Variants in NXPE2 observed in about 807,000 individuals in gnomAD.
NXPE2 encodes neurexophilin and PC-esterase domain family member 2.
Under a neutral mutation model 34.4 loss-of-function variants are expected in NXPE2, and 34 were observed. That is an observed-to-expected ratio of 0.99 (90% CI 0.75 to 1.31). The LOEUF (loss-of-function observed/expected upper bound fraction) is 1.31, where lower values mean the gene tolerates loss of function less well. NXPE2 is among the 40% of genes most tolerant of loss of function. NXPE2 has a pLI of 0.00. For synonymous variants in NXPE2, 235 were observed against 231.3 expected (o/e 1.02, Z -0.15); for missense variants, 649 against 672.5 (o/e 0.97, Z 0.39).
chr11:114,560,000 A>G, the NXPE2 span: 1 of 152,308 alleles, frequency 6.6e-6, no homozygotes, highest in African/African-American at 2.4e-5. Flanking sequence ...TGACAATTAG[A>G]TAATTCCACA....
chr11:114,610,423 C>T, the NXPE2 span, among the ~76,000 whole-genome samples: 1 of 151,872 alleles, frequency 6.6e-6, no homozygotes, highest in Non-Finnish European at 1.5e-5. Flanking sequence ...ATACCTATTG[C>T]CTCTCGGGTA....
the NXPE2 span, among the ~76,000 whole-genome samples, chr11:114,635,273 G>A: frequency 2.1e-4 from 31 of 149,770 alleles, no homozygotes; most frequent in South Asian, 5.6e-3. Flanking sequence ...TTTGTCTGTT[G>A]TTGGTGTATA....
At chr11:114,812,902 A>G in the NXPE2 span, among the ~76,000 whole-genome samples, 1 of 149,638 alleles carries the variant, frequency 6.7e-6, no homozygotes, top group African/African-American at 2.5e-5. Flanking sequence ...CTCACACTTG[A>G]GATCTGAAAG....
chr11:114,524,256 C>T, the NXPE2 span, among the ~76,000 whole-genome samples: 1 of 116,088 alleles, frequency 8.6e-6, no homozygotes, highest in South Asian at 2.7e-4. Flanking sequence ...GAAAGGATAG[C>T]CATGGGTCTA....
chr11:114,708,475 T>C (rs1215397992), downstream of NXPE2, among the ~76,000 whole-genome samples: 1 of 152,092 alleles, frequency 6.6e-6, no homozygotes, highest in Non-Finnish European at 1.5e-5. Flanking sequence ...TTAAGGATAC[T>C]TCCCCTCTTA....
the NXPE2 span, among the ~76,000 whole-genome samples, chr11:114,798,487 G>A: frequency 2.0e-5 from 3 of 152,118 alleles, no homozygotes; most frequent in East Asian, 1.9e-4. Flanking sequence ...GGGTTCAAGT[G>A]ATTCTTCTGC....
the NXPE2 span, chr11:114,554,321 A>G: frequency 3.0e-6 from 3 of 984,928 alleles, no homozygotes; most frequent in Non-Finnish European, 3.6e-6. Flanking sequence ...TACCTCCTCC[A>G]GGTTCTCTTT....
chr11:114,599,387 T>C, the NXPE2 span, among the ~76,000 whole-genome samples: 1 of 152,306 alleles, frequency 6.6e-6, no homozygotes, highest in Non-Finnish European at 1.5e-5. Flanking sequence ...GTTTCTCTTA[T>C]ATTCTTGTCT....
At chr11:114,527,040 C>T in the NXPE2 span, 5 of 152,322 alleles carry the variant, frequency 3.3e-5, no homozygotes, top group African/African-American at 1.2e-4. Flanking sequence ...GATTGAATGT[C>T]TTTCACATTG....
the NXPE2 span, among the ~76,000 whole-genome samples, chr11:114,722,591 A>T: frequency 6.6e-6 from 1 of 152,092 alleles, no homozygotes; most frequent in Non-Finnish European, 1.5e-5. Context: ...TTTGAAGTTA[A>T]CTCCAAGCCA....
the NXPE2 span, among the ~76,000 whole-genome samples, chr11:114,475,076 TAGG>T: frequency 2.0e-5 from 3 of 152,182 alleles, no homozygotes; most frequent in East Asian, 1.9e-4. Flanking sequence ...CTAAAAAACT[TAGG>T]AGAAATGTGA....
chr11:114,576,073 C>T, the NXPE2 span, among the ~76,000 whole-genome samples: 1 of 152,068 alleles, frequency 6.6e-6, no homozygotes, highest in Non-Finnish European at 1.5e-5. Context: ...TGATCTTTGA[C>T]AAAGCAAACA....
chr11:114,722,414 T>C, the NXPE2 span, among the ~76,000 whole-genome samples: 1 of 148,656 alleles, frequency 6.7e-6, no homozygotes, highest in Non-Finnish European at 1.5e-5. Flanking sequence ...CAATTAAACC[T>C]CTTTTTTTTT....
chr11:114,564,144 G>T, the NXPE2 span, among the ~76,000 whole-genome samples: 1 of 152,128 alleles, frequency 6.6e-6, no homozygotes, highest in Admixed American at 6.6e-5. Flanking sequence ...GGAAATAATG[G>T]CATTCGCAGC....
chr11:114,491,810 C>T, the NXPE2 span, among the ~76,000 whole-genome samples: 1 of 152,138 alleles, frequency 6.6e-6, no homozygotes, highest in African/African-American at 2.4e-5. Context: ...ACAGATACAC[C>T]ATGGAATACT....
intron 2 of NXPE2, among the ~76,000 whole-genome samples, chr11:114,695,863 ACAC>A: frequency 6.6e-6 from 1 of 151,264 alleles, no homozygotes; most frequent in East Asian, 1.9e-4. Context: ...ACACACACAC[ACAC>A]AATTAGCTGG....
the NXPE2 span, among the ~76,000 whole-genome samples, chr11:114,615,596 C>T: frequency 6.9e-6 from 1 of 145,682 alleles, no homozygotes; most frequent in South Asian, 2.1e-4. Context: ...ATAATATTTG[C>T]TGCCTCATGG....
chr11:114,671,172 A>C, the NXPE2 span, among the ~76,000 whole-genome samples: 17 of 150,958 alleles, frequency 1.1e-4, 1 homozygote, highest in South Asian at 2.9e-3. Flanking sequence ...AGTGATACTT[A>C]ACAGTAGATT....
At chr11:114,587,092 ACT>A in the NXPE2 span, among the ~76,000 whole-genome samples, 1 of 151,928 alleles carries the variant, frequency 6.6e-6, no homozygotes, top group South Asian at 2.1e-4. Flanking sequence ...TTGCGGAAAC[ACT>A]CTTAACTTCC....
Sources: gnomAD v4.1 joint callset for allele counts (sites outside exome capture counted in the v4.1 genomes callset) on GRCh38, gnomAD v4.1.1 for gene constraint, MANE v1.5 for transcripts, NCBI Gene and HGNC (gene_info 2026-07-23, HGNC 2026-07-21) for gene names.